PAX3: variants seen among roughly 807,000 people sequenced by gnomAD.
PAX3 encodes the protein paired box 3, also known as paired box protein Pax-3.
Under a neutral mutation model 51.6 loss-of-function variants are expected in PAX3, and 14 were observed. The observed-to-expected ratio is 0.27, with a 90% CI of 0.18 to 0.42. PAX3 has a LOEUF of 0.42. Among genes scored for constraint, PAX3 ranks in the 10% least tolerant of loss-of-function variants. PAX3 has a pLI of 1.00. For missense variants in PAX3, 540 were observed against 642.8 expected, an observed-to-expected ratio of 0.84 and a Z score of 1.73; for synonymous variants, 280 against 253.4, an observed-to-expected ratio of 1.11 and a Z score of -1.00.
chr2:222,229,949 C>A (rs896277426), intron 5 of PAX3, among the ~76,000 whole-genome samples: 1 of 152,130 alleles, frequency 6.6e-6, no homozygotes, highest in Non-Finnish European at 1.5e-5. Context: ...TTTGGGAAGC[C>A]AAGGCAAGTG....
chr2:222,267,878 C>A (rs1017472741), intron 4 of PAX3, among the ~76,000 whole-genome samples: 9 of 152,062 alleles, frequency 5.9e-5, no homozygotes, highest in Admixed American at 5.9e-4. Context: ...ATACGACTTA[C>A]CCTGGGTGAC....
chr2:222,227,477 G>C (rs1217609171), intron 5 of PAX3, among the ~76,000 whole-genome samples: 1 of 151,930 alleles, frequency 6.6e-6, no homozygotes, highest in Non-Finnish European at 1.5e-5. Context: ...CTGTAGTCTC[G>C]GCTACCCAGG....
At chr2:222,249,351 T>C (rs1375812179) in intron 4 of PAX3, among the ~76,000 whole-genome samples, 1 of 152,166 alleles carries the variant, frequency 6.6e-6, no homozygotes, top group African/African-American at 2.4e-5. Flanking sequence ...AACAATACCA[T>C]TCCTCTCTCA....
chr2:222,236,388 A>C (rs1692798876), intron 4 of PAX3, among the ~76,000 whole-genome samples: 1 of 152,134 alleles, frequency 6.6e-6, no homozygotes, highest in African/African-American at 2.4e-5. Flanking sequence ...ACCACCTGGC[A>C]GAATCATCCA....
chr2:222,214,335 G>A (rs1011467698), intron 7 of PAX3: 1 of 152,090 alleles, frequency 6.6e-6, no homozygotes, highest in Non-Finnish European at 1.5e-5. Flanking sequence ...TGCATGAAAC[G>A]AAGAAGCTTC....
At chr2:222,217,144 T>A (rs1337251957) in intron 7 of PAX3, among the ~76,000 whole-genome samples, 2 of 152,192 alleles carry the variant, frequency 1.3e-5, no homozygotes, top group Non-Finnish European at 2.9e-5. Context: ...GCAAAGATAC[T>A]CATGGTAGTT....
intron 4 of PAX3, among the ~76,000 whole-genome samples, chr2:222,255,917 ATTTTTTTT>A (rs57757180): frequency 1.0e-4 from 10 of 98,334 alleles, no homozygotes; most frequent in Admixed American, 6.3e-4. Flanking sequence ...CGCCCAGCTA[ATTTTTTTT>A]TTTTTTTTTT....
At chr2:222,253,633 C>CTTTTTTTTTT (rs5838943) in intron 4 of PAX3, among the ~76,000 whole-genome samples, 1 of 146,476 alleles carries the variant, frequency 6.8e-6, no homozygotes. Context: ...CAAAACTTTT[C>CTTTTTTTTTT]TTTTTTTTTT....
chr2:222,250,216 G>T (rs753070538), intron 4 of PAX3, among the ~76,000 whole-genome samples: 1 of 152,212 alleles, frequency 6.6e-6, no homozygotes, highest in African/African-American at 2.4e-5. Context: ...AATAGTTTGT[G>T]AAATTCTATT....
intron 5 of PAX3, among the ~76,000 whole-genome samples, chr2:222,226,827 T>A (rs1692403132): frequency 6.6e-6 from 1 of 151,618 alleles, no homozygotes; most frequent in Admixed American, 6.6e-5. Flanking sequence ...TCCTGAGAAA[T>A]CATGCGTTCT....
intron 4 of PAX3, chr2:222,263,094 A>G (rs1693925874): frequency 6.6e-6 from 1 of 152,216 alleles, no homozygotes; most frequent in South Asian, 2.1e-4. Flanking sequence ...ACAACTGATA[A>G]AATAAAAAAT....
At chr2:222,226,595 A>G (rs886110605) in intron 5 of PAX3, among the ~76,000 whole-genome samples, 2 of 151,968 alleles carry the variant, frequency 1.3e-5, no homozygotes, top group East Asian at 3.9e-4. Context: ...CTTCTGAACT[A>G]TACAGATCAG....
chr2:222,286,836 C>T (rs1694849634), intron 4 of PAX3, among the ~76,000 whole-genome samples: 1 of 152,196 alleles, frequency 6.6e-6, no homozygotes, highest in South Asian at 2.1e-4. Flanking sequence ...GAATTTATAA[C>T]ACCTATTATT....
At chr2:222,241,453 A>T (rs915982713) in intron 4 of PAX3, among the ~76,000 whole-genome samples, 1 of 152,226 alleles carries the variant, frequency 6.6e-6, no homozygotes. Context: ...GCTGCCGCTA[A>T]GTAACTGACT....
chr2:222,252,186 G>A (rs1025422411), intron 4 of PAX3, among the ~76,000 whole-genome samples: 3 of 152,266 alleles, frequency 2.0e-5, no homozygotes, highest in Non-Finnish European at 2.9e-5. Flanking sequence ...TTCTATGGCC[G>A]CATGCTACAA....
At chr2:222,245,957 G>T (rs1693214646) in intron 4 of PAX3, among the ~76,000 whole-genome samples, 1 of 151,856 alleles carries the variant, frequency 6.6e-6, no homozygotes, top group Admixed American at 6.6e-5. Context: ...TTCCAGCCTG[G>T]GTGACAGAGC....
intron 1 of PAX3, chr2:222,298,251 T>G: frequency 2.0e-6 from 1 of 498,338 alleles, no homozygotes; most frequent in South Asian, 2.9e-5. Flanking sequence ...GTTCACCTCC[T>G]TCTCCACCGC....
intron 4 of PAX3, among the ~76,000 whole-genome samples, chr2:222,266,144 G>A (rs1389627406): frequency 1.3e-5 from 2 of 152,114 alleles, no homozygotes; most frequent in South Asian, 2.1e-4. Context: ...CAAATTGCTG[G>A]AGCCTACACG....
At chr2:222,207,883 G>T (rs1198524752) in intron 7 of PAX3, among the ~76,000 whole-genome samples, 3 of 151,526 alleles carry the variant, frequency 2.0e-5, no homozygotes, top group Admixed American at 2.0e-4. Flanking sequence ...ACATTTAGTT[G>T]TTTTTTTAAA....
Sources: allele counts gnomAD v4.1 joint callset (sites outside exome capture counted in the v4.1 genomes callset), GRCh38; gene constraint gnomAD v4.1.1; transcripts MANE v1.5; gene names NCBI Gene and HGNC (gene_info 2026-07-23, HGNC 2026-07-21).